TSPAN7: variants seen among roughly 807,000 people sequenced by gnomAD.
TSPAN7 encodes tetraspanin 7, also known as tetraspanin-7.
In TSPAN7, 1 loss-of-function variant was observed where a neutral mutation model predicts 17.6. That is an observed-to-expected ratio of 0.06 (90% CI 0.02 to 0.27). The LOEUF is 0.27. Ranked by LOEUF, TSPAN7 falls within the 10% of genes least tolerant of loss-of-function variation. The probability of loss-of-function intolerance (pLI) is 1.00; values close to 1 mark genes in which losing one functional copy is unlikely to be tolerated. For synonymous variants in TSPAN7, 78 were observed against 79.0 expected, an observed-to-expected ratio of 0.99 and a Z score of 0.07; for missense variants, 112 against 201.7, an observed-to-expected ratio of 0.56 and a Z score of 2.69.
At chrX:38,618,807 A>G (rs1033280220) in intron 1 of TSPAN7, among the ~76,000 whole-genome samples, 1 of 111,179 alleles carries the variant, frequency 9.0e-6, no homozygotes, top group Non-Finnish European at 1.9e-5. Context: ...TCCTGGCTGT[A>G]TGGGGTTGGG....
chrX:38,635,265 A>G (rs769557676), intron 1 of TSPAN7, among the ~76,000 whole-genome samples: 2 of 111,779 alleles, frequency 1.8e-5, no homozygotes, highest in Non-Finnish European at 3.8e-5. Context: ...TAGTCCAGTC[A>G]ATTAAGTCAA....
intron 2 of TSPAN7, among the ~76,000 whole-genome samples, chrX:38,669,129 G>A (rs2069803930): frequency 9.0e-6 from 1 of 111,444 alleles, no homozygotes; most frequent in African/African-American, 3.3e-5. Context: ...AAATATTTTA[G>A]GTAATGGATA....
chrX:38,670,495 A>G (rs111955151), intron 2 of TSPAN7, among the ~76,000 whole-genome samples: 3,762 of 112,137 alleles, frequency 0.034, 143 homozygotes, highest in African/African-American at 0.11. Context: ...TTAGTAGTAT[A>G]GTGCATTTAC....
intron 1 of TSPAN7, among the ~76,000 whole-genome samples, chrX:38,610,042 A>G (rs780152013): frequency 7.6e-4 from 85 of 111,924 alleles, no homozygotes; most frequent in African/African-American, 2.6e-3. Flanking sequence ...TACGATTGGC[A>G]TTCCAAAGAA....
chrX:38,572,055 TTGTCAAAGACAAACCTC>T (rs11275406), intron 1 of TSPAN7, among the ~76,000 whole-genome samples: 12,769 of 110,560 alleles, frequency 0.12, 1,534 homozygotes, highest in African/African-American at 0.36. Flanking sequence ...AAGTCTTGGT[TTGTCAAAGACAAACCTC>T]TGTCAAAGAG....
At chrX:38,600,757 T>A (rs1433179135) in intron 1 of TSPAN7, among the ~76,000 whole-genome samples, 1 of 112,261 alleles carries the variant, frequency 8.9e-6, no homozygotes, top group Non-Finnish European at 1.9e-5. Flanking sequence ...TGTTCTTTTC[T>A]TCCAATAAGC....
intron 1 of TSPAN7, among the ~76,000 whole-genome samples, chrX:38,585,104 T>C (rs375858687): frequency 9.8e-5 from 11 of 112,281 alleles, no homozygotes; most frequent in East Asian, 8.4e-4. Flanking sequence ...TGTTCCATTA[T>C]CGGACATTTG....
intron 1 of TSPAN7, among the ~76,000 whole-genome samples, chrX:38,664,318 G>T (rs1028228612): frequency 3.6e-5 from 4 of 112,025 alleles, no homozygotes; most frequent in African/African-American, 1.3e-4. Context: ...GTAAAAGATG[G>T]CACAGGCACT....
intron 1 of TSPAN7, among the ~76,000 whole-genome samples, chrX:38,651,077 A>ATATATATATATATATAG (rs2069673506): frequency 9.3e-6 from 1 of 107,856 alleles, no homozygotes; most frequent in African/African-American, 3.4e-5. Context: ...ATATATAGTT[A>ATATATATATATATATAG]ATAACAATCC....
At chrX:38,573,659 A>C (rs2069180466) in intron 1 of TSPAN7, among the ~76,000 whole-genome samples, 2 of 111,423 alleles carry the variant, frequency 1.8e-5, no homozygotes, top group Non-Finnish European at 3.8e-5. Context: ...ATTACAGGCT[A>C]CCCCATATTA....
chrX:38,605,693 G>T (rs1324391410), intron 1 of TSPAN7, among the ~76,000 whole-genome samples: 2 of 109,880 alleles, frequency 1.8e-5, no homozygotes, highest in Non-Finnish European at 3.8e-5. Context: ...AAACAGCATG[G>T]TACTAGTACC....
intron 1 of TSPAN7, among the ~76,000 whole-genome samples, chrX:38,562,774 A>G (rs990700589): frequency 1.4e-4 from 16 of 111,392 alleles, no homozygotes; most frequent in African/African-American, 5.2e-4. Flanking sequence ...ATCAAGCTAC[A>G]GCTACCCCGC....
chrX:38,641,859 CCTT>C (rs1378262761), intron 1 of TSPAN7, among the ~76,000 whole-genome samples: 3 of 111,684 alleles, frequency 2.7e-5, no homozygotes, highest in Non-Finnish European at 5.6e-5. Context: ...GGAATTTCCT[CCTT>C]CTAGTCTTTT....
intron 1 of TSPAN7, among the ~76,000 whole-genome samples, chrX:38,599,982 C>T (rs1225856228): frequency 8.9e-6 from 1 of 111,781 alleles, no homozygotes; most frequent in Non-Finnish European, 1.9e-5. Flanking sequence ...ATTTTGGTGG[C>T]AGCATTTTCT....
chrX:38,647,310 C>A lies in TSPAN7; in HGVS notation c.82-18811C>A, dbSNP rs529791639. ...TGAAATATTTTTGGTAGAGATGGGG[C>A]TTTACCATGTTGGCCAGGCTGGTCT... On this transcript the variant is annotated intron_variant, in intron 1 of 7. Transcript: ENST00000378482. Among the ~76,000 whole-genome samples, 7 of 111,574 alleles carry A rather than the reference C, an allele frequency of 6.3e-5. No individual in the cohort carries two copies. The South Asian group carries it at 2.3e-3, about 36-fold the overall frequency.
At chrX:38,676,520 A>G (rs2069854852) in intron 5 of TSPAN7, among the ~76,000 whole-genome samples, 1 of 112,542 alleles carries the variant, frequency 8.9e-6, no homozygotes, top group African/African-American at 3.2e-5. Flanking sequence ...CGATGAAGAC[A>G]TGATATAACT....
chrX:38,602,749 AG>A (rs1475434663), intron 1 of TSPAN7, among the ~76,000 whole-genome samples: 3 of 111,558 alleles, frequency 2.7e-5, no homozygotes, highest in African/African-American at 9.8e-5. Context: ...GGTCTCTCAA[AG>A]GTGGTAACAT....
At chrX:38,674,442 T>C (rs927079564) in intron 4 of TSPAN7, 126 bp downstream of exon 4, 12 of 587,604 alleles carry the variant, frequency 2.0e-5, no homozygotes, top group Non-Finnish European at 3.1e-5. Flanking sequence ...TCCAGTTCCA[T>C]TGCCAAGAGT....
intron 1 of TSPAN7, among the ~76,000 whole-genome samples, chrX:38,591,053 T>C (rs1421674708): frequency 9.0e-6 from 1 of 111,176 alleles, no homozygotes; most frequent in Non-Finnish European, 1.9e-5. Flanking sequence ...TGATCTCATT[T>C]TGTTCCTTCT....
Sources: allele counts gnomAD v4.1 joint callset (sites outside exome capture counted in the v4.1 genomes callset), GRCh38; gene constraint gnomAD v4.1.1; transcripts MANE v1.5; gene names NCBI Gene and HGNC (gene_info 2026-07-23, HGNC 2026-07-21).